PTPRM: variants seen among roughly 807,000 people sequenced by gnomAD.
The protein encoded by PTPRM is receptor-type tyrosine-protein phosphatase mu.
Under a neutral mutation model 186.7 loss-of-function variants are expected in PTPRM, and 47 were observed. The observed-to-expected ratio is 0.25, with a 90% CI of 0.20 to 0.32. The LOEUF is 0.32. Ranked by LOEUF, PTPRM falls within the 10% of genes least tolerant of loss-of-function variation. The pLI is 1.00. For synonymous variants in PTPRM, 668 were observed against 674.9 expected (o/e 0.99, Z 0.16); for missense variants, 1,494 against 1,865.0 (o/e 0.80, Z 3.66).
intron 1 of PTPRM, among the ~76,000 whole-genome samples, chr18:7,586,211 G>T (rs1479946981): frequency 1.3e-5 from 2 of 152,142 alleles, no homozygotes; most frequent in Admixed American, 1.3e-4. Context: ...CAATCACGCT[G>T]CATACATCGT....
chr18:8,143,410 G>A (rs181841696), intron 13 of PTPRM, among the ~76,000 whole-genome samples: 1 of 152,252 alleles, frequency 6.6e-6, no homozygotes. Context: ...ATAGAAAAGG[G>A]TCAGGCATGG....
chr18:8,042,919 G>C lies in PTPRM; in HGVS notation c.1133-26767G>C, dbSNP rs543778240. Among the ~76,000 whole-genome samples the C allele has an allele frequency of 3.3e-5, 5 of 152,132 alleles. No individual in the cohort carries two copies. In the South Asian group the frequency reaches 1.0e-3, roughly 32 times the overall value. On this transcript the variant is annotated intron_variant, in intron 7 of 32. Coordinates refer to ENST00000580170, the MANE Select transcript of PTPRM (RefSeq NM_001105244.2). ...CATCGCCAAGACAGTTCCCCCTGTAGACCCTCCAACTCCCCCTTTTCTGCA... is the reference window on the plus strand; with the variant it reads ...CATCGCCAAGACAGTTCCCCCTGTACACCCTCCAACTCCCCCTTTTCTGCA...
chr18:7,955,559 A>G (rs1282071138), intron 7 of PTPRM, 145 bp downstream of exon 7: 2 of 936,892 alleles, frequency 2.1e-6, no homozygotes, highest in African/African-American at 1.7e-5. Context: ...GCCTGTGAAT[A>G]GTCAGCTAAC....
chr18:8,319,211 C>A lies in PTPRM; in HGVS notation c.2953C>A (p.Gln985Lys). 6.4e-7 allele frequency: 1 copy of A among 1,558,028 alleles called. No individual in the cohort carries two copies. Among genetic ancestry groups the A allele is most frequent in the African/African-American group, 1.4e-5 (1 of 73,608 alleles). Residue 985 changes from glutamine (Q) to lysine (K), a missense_variant, in exon 22 of 33, where the codon CAA (glutamine) becomes AAA (lysine). Coordinates refer to ENST00000580170, the MANE Select transcript of PTPRM (RefSeq NM_001105244.2). ...YHRPNHYIAT[Q>K]GPMQETIYDF... is the part of the protein sequence containing the mutation. ...TCGACCCAATCATTACATTGCTACC[C>A]AAGGTAAGTTTATTTCTACTTTGTT...
chr18:8,180,335 C>T (rs1254648360), intron 14 of PTPRM, among the ~76,000 whole-genome samples: 1 of 152,156 alleles, frequency 6.6e-6, no homozygotes, highest in Non-Finnish European at 1.5e-5. Context: ...GTTCTTGCCT[C>T]CTCAGAAGAA....
intron 2 of PTPRM, among the ~76,000 whole-genome samples, chr18:7,806,250 A>G (rs1384627271): frequency 6.6e-6 from 1 of 152,178 alleles, no homozygotes; most frequent in East Asian, 1.9e-4. Flanking sequence ...CAGACACCCC[A>G]TATGACCTCA....
chr18:7,625,896 G>A (rs2038049801), intron 1 of PTPRM, among the ~76,000 whole-genome samples: 1 of 152,186 alleles, frequency 6.6e-6, no homozygotes, highest in Non-Finnish European at 1.5e-5. Context: ...CAAAGTTGCA[G>A]TGAGACCAGT....
At chr18:8,363,990 G>A (rs1227075269) in intron 23 of PTPRM, among the ~76,000 whole-genome samples, 1 of 152,194 alleles carries the variant, frequency 6.6e-6, no homozygotes, top group Non-Finnish European at 1.5e-5. Context: ...CTTTGTGAGG[G>A]TACTTTAAGG....
intron 19 of PTPRM, among the ~76,000 whole-genome samples, chr18:8,277,443 T>A (rs1047628624): frequency 7.2e-5 from 11 of 152,220 alleles, no homozygotes; most frequent in African/African-American, 2.7e-4. Flanking sequence ...GGAGAGGCAC[T>A]GCAGGAGGCA....
intron 4 of PTPRM, among the ~76,000 whole-genome samples, chr18:7,917,174 G>A (rs1286396727): frequency 6.6e-6 from 1 of 152,200 alleles, no homozygotes; most frequent in African/African-American, 2.4e-5. Context: ...AATGTGAATT[G>A]TTATAAGCTT....
chr18:7,697,895 C>T (rs558030017), intron 1 of PTPRM, among the ~76,000 whole-genome samples: 1 of 152,268 alleles, frequency 6.6e-6, no homozygotes, highest in African/African-American at 2.4e-5. Context: ...AGAAAATGCT[C>T]CTAAGTTCTC....
chr18:8,006,512 A>G (rs9807298), intron 7 of PTPRM, among the ~76,000 whole-genome samples: 99,094 of 152,140 alleles, frequency 0.65, 32,631 homozygotes, highest in African/African-American at 0.74. Context: ...GCACAAAACA[A>G]CACAGGTAAA....
chr18:8,231,687 T>A (rs1234069232), intron 14 of PTPRM, among the ~76,000 whole-genome samples: 2 of 152,204 alleles, frequency 1.3e-5, no homozygotes, highest in Non-Finnish European at 2.9e-5. Flanking sequence ...CGCATTTCTC[T>A]CCTGTCCTAC....
chr18:7,660,581 A>G (rs1296764023), intron 1 of PTPRM, among the ~76,000 whole-genome samples: 1 of 152,108 alleles, frequency 6.6e-6, no homozygotes, highest in African/African-American at 2.4e-5. Flanking sequence ...CCGGTGGGCC[A>G]CACTCCTAGT....
At chr18:7,664,306 G>T (rs1347897209) in intron 1 of PTPRM, among the ~76,000 whole-genome samples, 1 of 152,196 alleles carries the variant, frequency 6.6e-6, no homozygotes, top group Non-Finnish European at 1.5e-5. Flanking sequence ...GTGGGATTAC[G>T]CAGGAGCTAA....
chr18:8,126,701 A>G (rs1223444714), intron 13 of PTPRM, among the ~76,000 whole-genome samples: 1 of 152,166 alleles, frequency 6.6e-6, no homozygotes, highest in Non-Finnish European at 1.5e-5. Flanking sequence ...CTCTATTTGT[A>G]AGATGAAGAT....
intron 7 of PTPRM, among the ~76,000 whole-genome samples, chr18:8,044,291 C>T (rs567523): frequency 0.65 from 98,893 of 151,964 alleles, 32,443 homozygotes; most frequent in African/African-American, 0.73. Flanking sequence ...AAAAGGGAAC[C>T]GAAGATATTC....
chr18:7,900,561 G>A (rs117048175), intron 3 of PTPRM, among the ~76,000 whole-genome samples: 2,865 of 152,058 alleles, frequency 0.019, 56 homozygotes, highest in African/African-American at 0.051. Context: ...GTGTGTGTGT[G>A]TATATATATG....
At chr18:8,380,601 G>A (rs976755919) in intron 29 of PTPRM, among the ~76,000 whole-genome samples, 174 bp downstream of exon 29, 22 of 151,834 alleles carry the variant, frequency 1.4e-4, no homozygotes, top group Non-Finnish European at 2.5e-4. Flanking sequence ...GGAATTAGGG[G>A]TTAGAAAGTC....
Sources: allele counts gnomAD v4.1 joint callset (sites outside exome capture counted in the v4.1 genomes callset), GRCh38; gene constraint gnomAD v4.1.1; transcripts MANE v1.5; gene names NCBI Gene and HGNC (gene_info 2026-07-23, HGNC 2026-07-21).